CAMTA1: variants seen among roughly 807,000 people sequenced by gnomAD.
The protein encoded by CAMTA1 is calmodulin binding transcription activator 1.
In CAMTA1, 27 loss-of-function variants were observed where a neutral mutation model predicts 170.9. The ratio of observed to expected loss-of-function variants is 0.16; its 90% confidence interval spans 0.12 to 0.22. CAMTA1 has a LOEUF of 0.22. Ranked by LOEUF, CAMTA1 falls within the 10% of genes least tolerant of loss-of-function variation. The pLI is 1.00. For missense variants in CAMTA1, 1,619 were observed against 2,217.2 expected, an observed-to-expected ratio of 0.73 and a Z score of 5.42; for synonymous variants, 833 against 891.5, an observed-to-expected ratio of 0.93 and a Z score of 1.17.
chr1:7,110,519 T>C (rs930716546), intron 4 of CAMTA1, among the ~76,000 whole-genome samples: 7 of 152,236 alleles, frequency 4.6e-5, no homozygotes, highest in African/African-American at 7.2e-5. Flanking sequence ...TTTAAATGAA[T>C]CTGCGATGAA....
At position 6,879,612 on chromosome 1, in the gene CAMTA1, T is replaced by C. The variant is rs1670884863; in HGVS notation, c.234+54402T>C. ...ATTATAAAGGCTTCTTTTCCTTTTTTCTTTTTTTTTTTTTTTTTGAGACAA... is the reference window on the plus strand; with the variant it reads ...ATTATAAAGGCTTCTTTTCCTTTTTCCTTTTTTTTTTTTTTTTTGAGACAA... On this transcript the variant is annotated intron_variant, in intron 3 of 22. Coordinates refer to ENST00000303635, the MANE Select transcript of CAMTA1 (RefSeq NM_015215.4). Among the ~76,000 whole-genome samples the C allele has an allele frequency of 3.7e-5, 5 of 134,566 alleles. No homozygotes were observed. In the South Asian group the frequency reaches 9.4e-4, roughly 25 times the overall value. The allele number at this position is 134,566 out of a possible 152,430, so 88.3% of individuals were successfully genotyped here.
chr1:7,033,037 T>G (rs1703021381), intron 3 of CAMTA1, among the ~76,000 whole-genome samples: 1 of 152,108 alleles, frequency 6.6e-6, no homozygotes, highest in East Asian at 1.9e-4. Context: ...CGTGGTGTAG[T>G]TTTCTTATGT....
At chr1:7,221,257 C>T (rs1446120646) in intron 4 of CAMTA1, among the ~76,000 whole-genome samples, 2 of 151,482 alleles carry the variant, frequency 1.3e-5, no homozygotes, top group Non-Finnish European at 2.9e-5. Context: ...ACAGAACTCT[C>T]ATTCACAGCA....
rs781631558 is a variant in CAMTA1 at position 7,677,679 on chromosome 1, G to C, written c.2860G>C (p.Ala954Pro). Residue 954 changes from alanine to proline, a missense_variant, in exon 11 of 23, where the codon GCC becomes CCC. By Grantham distance (27) the Ala-to-Pro change is conservative. Transcript: ENST00000303635. ...CAACTCGGTGGTGTTTGAGTACAAA[G>C]CCCGGGCTCTGCCCACGCTCCCTTC... Reference protein sequence around the residue: ...ISNSVVFEYKARALPTLPSSQ... With the variant: ...ISNSVVFEYKPRALPTLPSSQ... 1 of 1,614,070 alleles carries C rather than the reference G, an allele frequency of 6.2e-7. No homozygotes were observed. The highest frequency in any genetic ancestry group is 8.5e-7 in the Non-Finnish European group (1 of 1,180,010).
At chr1:6,902,403 A>G (rs1677313723) in intron 3 of CAMTA1, among the ~76,000 whole-genome samples, 1 of 152,228 alleles carries the variant, frequency 6.6e-6, no homozygotes, top group African/African-American at 2.4e-5. Context: ...AAGTGACACA[A>G]CATGGACGAG....
intron 4 of CAMTA1, among the ~76,000 whole-genome samples, chr1:7,091,757 A>G (rs1467371650): frequency 6.6e-6 from 1 of 152,220 alleles, no homozygotes; most frequent in Non-Finnish European, 1.5e-5. Flanking sequence ...TTTTATCTCA[A>G]CTTGTCTACA....
intron 6 of CAMTA1, among the ~76,000 whole-genome samples, chr1:7,619,284 G>A (rs570483916): frequency 3.5e-4 from 53 of 152,312 alleles, no homozygotes; most frequent in Admixed American, 2.4e-3. Context: ...TCACCTACGC[G>A]GAAAGCCAGA....
At position 7,506,121 on chromosome 1, in the gene CAMTA1, C is replaced by T. The variant is rs991581959; in HGVS notation, c.510+38220C>T. ...GGCCAGAGGCTGCCTGGGGAACAGA[C>T]CACCCCCACCCTCTATAACCTCGCT... On this transcript the variant is annotated intron_variant, in intron 6 of 22. Transcript: ENST00000303635. 3.9e-5 allele frequency among the ~76,000 whole-genome samples: 6 copies of T among 152,262 alleles called. No individual in the cohort carries two copies. The East Asian group carries it at 5.8e-4, about 15-fold the overall frequency.
intron 5 of CAMTA1, among the ~76,000 whole-genome samples, chr1:7,273,988 G>A (rs1017105648): frequency 6.6e-6 from 1 of 152,074 alleles, no homozygotes; most frequent in Admixed American, 6.6e-5. Context: ...ATAGGAATAA[G>A]CCAATAGTGG....
chr1:7,573,155 G>A (rs977059729), intron 6 of CAMTA1, among the ~76,000 whole-genome samples: 1 of 152,202 alleles, frequency 6.6e-6, no homozygotes, highest in Non-Finnish European at 1.5e-5. Context: ...GCATGCTAAG[G>A]ATCGATGGAA....
chr1:7,162,461 C>G (rs1192362185), intron 4 of CAMTA1, among the ~76,000 whole-genome samples: 1 of 152,096 alleles, frequency 6.6e-6, no homozygotes, highest in Non-Finnish European at 1.5e-5. Context: ...ACTCCCTTTT[C>G]CCCCCAGCCC....
chr1:7,062,765 C>G (rs1352630929), intron 3 of CAMTA1, among the ~76,000 whole-genome samples: 2 of 152,348 alleles, frequency 1.3e-5, no homozygotes, highest in South Asian at 4.1e-4. Flanking sequence ...GTCCAGGTAC[C>G]GGCAGGGCCA....
chr1:7,190,631 T>A (rs143566580), intron 4 of CAMTA1, among the ~76,000 whole-genome samples: 145 of 152,222 alleles, frequency 9.5e-4, no homozygotes, highest in African/African-American at 3.3e-3. Context: ...GTTCCTTTTT[T>A]AACAAGAAGT....
intron 4 of CAMTA1, among the ~76,000 whole-genome samples, chr1:7,182,427 G>A (rs1324650170): frequency 6.6e-6 from 1 of 151,210 alleles, no homozygotes; most frequent in African/African-American, 2.4e-5. Flanking sequence ...TGGGGAGGTC[G>A]AGGCTGCAGT....
chr1:6,800,041 A>AATC (rs1417869203), intron 1 of CAMTA1, among the ~76,000 whole-genome samples: 6 of 152,154 alleles, frequency 3.9e-5, no homozygotes, highest in Non-Finnish European at 7.3e-5. Flanking sequence ...AGACACTCAG[A>AATC]TATCTCCTTT....
chr1:7,040,134 G>C (rs983649203), intron 3 of CAMTA1, among the ~76,000 whole-genome samples: 1 of 151,080 alleles, frequency 6.6e-6, no homozygotes, highest in African/African-American at 2.4e-5. Flanking sequence ...CACCTTTCAA[G>C]TGAAATTTTA....
chr1:7,262,045 T>G (rs1668255690), intron 5 of CAMTA1, among the ~76,000 whole-genome samples: 1 of 152,244 alleles, frequency 6.6e-6, no homozygotes, highest in African/African-American at 2.4e-5. Context: ...GGTATTTTAC[T>G]TAAACCCTTC....
intron 3 of CAMTA1, among the ~76,000 whole-genome samples, chr1:6,830,687 T>G (rs1005170600): frequency 6.6e-6 from 1 of 152,210 alleles, no homozygotes; most frequent in Non-Finnish European, 1.5e-5. Context: ...CAATATAAAC[T>G]GCACCCATTT....
chr1:7,418,631 T>G (rs919533443), intron 5 of CAMTA1, among the ~76,000 whole-genome samples: 1 of 152,160 alleles, frequency 6.6e-6, no homozygotes, highest in African/African-American at 2.4e-5. Flanking sequence ...ACCTGTCCAC[T>G]CCACATCGCC....
Sources: gnomAD v4.1 joint callset for allele counts (sites outside exome capture counted in the v4.1 genomes callset) on GRCh38, gnomAD v4.1.1 for gene constraint, MANE v1.5 for transcripts, NCBI Gene and HGNC (gene_info 2026-07-23, HGNC 2026-07-21) for gene names.